Variants in OSTN observed in about 807,000 individuals in gnomAD.
OSTN encodes the protein osteocrin.
OSTN carries 9 observed loss-of-function variants against 12.0 expected under a neutral mutation model. The observed-to-expected ratio is 0.75, with a 90% confidence interval of 0.45 to 1.30. The LOEUF is 1.30. OSTN is among the 50% of genes most tolerant of loss of function. The probability of loss-of-function intolerance (pLI) is 0.00; values close to 1 mark genes in which losing one functional copy is unlikely to be tolerated. For missense variants in OSTN, 148 were observed against 152.3 expected (o/e 0.97, Z 0.15); for synonymous variants, 59 against 56.9 (o/e 1.04, Z -0.16).
chr3:191,258,601 A>T (rs1413165350), intron 4 of OSTN, among the ~76,000 whole-genome samples: 3 of 151,944 alleles, frequency 2.0e-5, no homozygotes, highest in African/African-American at 7.2e-5. Flanking sequence ...GGGCACATGT[A>T]TAGCTATGTA....
Position 191,218,873 on chromosome 3 carries a change from G to C in OSTN, c.229G>C (p.Glu77Gln), listed in dbSNP as rs1429709555. The C allele has an allele frequency of 1.9e-6, 3 of 1,613,992 alleles. No homozygotes were observed. The highest frequency in any genetic ancestry group is 2.5e-6 in the Non-Finnish European group (3 of 1,180,006). ...GGTGTCCCTAGAAAATGATGTGATT[G>C]AGACAAAGAAGAAAAGGAGTTTCTC... ...ELVSLENDVI[E>Q]TKKKRSFSGF... The change falls in exon 3 of 5, where the codon GAG becomes CAG. Residue 77 changes from glutamate to glutamine, a missense_variant. Transcript: ENST00000682035.
At chr3:191,253,044 C>T (rs1214876511) in intron 4 of OSTN, among the ~76,000 whole-genome samples, 2 of 152,150 alleles carry the variant, frequency 1.3e-5, no homozygotes, top group South Asian at 2.1e-4. Context: ...ATCTGGGGTC[C>T]GGGTCTTTGG....
intron 4 of OSTN, among the ~76,000 whole-genome samples, chr3:191,251,049 T>A (rs1349285555): frequency 1.3e-5 from 2 of 152,140 alleles, no homozygotes; most frequent in Non-Finnish European, 2.9e-5. Context: ...ATTAGAATAA[T>A]AATTTCTACC....
intron 2 of OSTN, among the ~76,000 whole-genome samples, chr3:191,214,581 T>C (rs1188499691): frequency 2.0e-5 from 3 of 150,624 alleles, no homozygotes; most frequent in African/African-American, 5.0e-5. Context: ...GGAGGCTCAA[T>C]AGCTTTCAGT....
In OSTN at chr3:191,212,539, G is replaced by A. The variant is rs1714485231; in HGVS notation, c.7G>A (p.Asp3Asn). The stretch of plus-strand genomic sequence containing the variant: ...TGACATATGTAACCCTTAGATGCTG[G>A]ACTGGAGATTGGCAAGTGCACATTT... Reference protein sequence around the residue: MLDWRLASAHFIL... With the variant: MLNWRLASAHFIL... The change falls in exon 2 of 5, where the codon GAC (aspartate) becomes AAC (asparagine). Residue 3 changes from aspartate to asparagine, a missense_variant. Transcript: ENST00000682035. 4.4e-6 allele frequency: 7 copies of A among 1,582,592 alleles called. No individual in the cohort carries two copies. The highest frequency in any genetic ancestry group is 2.7e-5 in the African/African-American group (2 of 74,268).
chr3:191,248,457 A>C (rs73199671), intron 3 of OSTN, among the ~76,000 whole-genome samples: 33,954 of 152,166 alleles, frequency 0.22, 4,451 homozygotes, highest in South Asian at 0.34. Context: ...ATTAGTATAA[A>C]GTAATTATTG....
intron 3 of OSTN, among the ~76,000 whole-genome samples, chr3:191,238,347 G>A (rs1274683110): frequency 6.6e-6 from 1 of 152,088 alleles, no homozygotes; most frequent in African/African-American, 2.4e-5. Flanking sequence ...GGGGAAAAAT[G>A]CAGAAAGGGC....
chr3:191,252,277 G>C (rs914155391), intron 4 of OSTN, among the ~76,000 whole-genome samples: 1 of 152,170 alleles, frequency 6.6e-6, no homozygotes, highest in African/African-American at 2.4e-5. Flanking sequence ...ATGTTGGCCA[G>C]GATGGTCTCG....
At chr3:191,223,383 A>G (rs1297384720) in intron 3 of OSTN, among the ~76,000 whole-genome samples, 1 of 152,236 alleles carries the variant, frequency 6.6e-6, no homozygotes, top group Non-Finnish European at 1.5e-5. Flanking sequence ...TCACCATTAG[A>G]ATTAGGTGTG....
At chr3:191,210,116 G>C (rs1211814663) in intron 1 of OSTN, among the ~76,000 whole-genome samples, 1 of 152,242 alleles carries the variant, frequency 6.6e-6, no homozygotes, top group Non-Finnish European at 1.5e-5. Context: ...AAGCAAAGAG[G>C]AAGCAGGCAC....
chr3:191,237,993 A>G (rs1297973728), intron 3 of OSTN, among the ~76,000 whole-genome samples: 1 of 152,168 alleles, frequency 6.6e-6, no homozygotes, highest in Non-Finnish European at 1.5e-5. Context: ...AATCCCAAAG[A>G]TTAAGGTAAA....
At chr3:191,244,096 C>G (rs1360015452) in intron 3 of OSTN, among the ~76,000 whole-genome samples, 1 of 152,070 alleles carries the variant, frequency 6.6e-6, no homozygotes, top group Non-Finnish European at 1.5e-5. Flanking sequence ...CATTTTTACT[C>G]TCTTTAAATT....
At chr3:191,256,862 A>G (rs1477697461) in intron 4 of OSTN, among the ~76,000 whole-genome samples, 1 of 152,048 alleles carries the variant, frequency 6.6e-6, no homozygotes, top group East Asian at 1.9e-4. Context: ...TAAAACCTCT[A>G]AACTAGACAA....
chr3:191,246,158 G>A (rs928503520), intron 3 of OSTN, among the ~76,000 whole-genome samples: 5 of 151,454 alleles, frequency 3.3e-5, no homozygotes, highest in African/African-American at 9.7e-5. Flanking sequence ...ATCAGTGCAG[G>A]TATCATGTGA....
At chr3:191,251,858 T>C (rs1715568636) in intron 4 of OSTN, among the ~76,000 whole-genome samples, 1 of 152,238 alleles carries the variant, frequency 6.6e-6, no homozygotes, top group African/African-American at 2.4e-5. Flanking sequence ...AGCTAATTGC[T>C]GTTTAAAAAC....
intron 4 of OSTN, among the ~76,000 whole-genome samples, chr3:191,261,169 AG>A (rs1715801190): frequency 6.6e-6 from 1 of 152,184 alleles, no homozygotes; most frequent in Admixed American, 6.5e-5. Context: ...GAAGGTGCCA[AG>A]GGCTAACTTT....
At chr3:191,212,161 C>G (rs7634406) in intron 1 of OSTN, among the ~76,000 whole-genome samples, 2,286 of 152,292 alleles carry the variant, frequency 0.015, 41 homozygotes, top group African/African-American at 0.046. Context: ...GACTTACGCT[C>G]TAATGCCTTA....
rs1715060160 is a variant in OSTN, at chr3:191,231,715, T to G, written c.317+12754T>G. On this transcript the variant is annotated intron_variant, in intron 3 of 4. Transcript: ENST00000682035. ...CCTTATCAGGCACACATTCTCTATC[T>G]TCCCATACTTACTAAGAGAAGGTAA... Among the ~76,000 whole-genome samples, 3 of 152,188 alleles carry G rather than the reference T, an allele frequency of 2.0e-5. 1 individual carries two copies. Among genetic ancestry groups the G allele is most frequent in the Admixed American group, 2.0e-4 (3 of 15,274 alleles).
chr3:191,234,300 A>G (rs1177297393), intron 3 of OSTN, among the ~76,000 whole-genome samples: 3 of 152,190 alleles, frequency 2.0e-5, no homozygotes, highest in Non-Finnish European at 2.9e-5. Flanking sequence ...GGGTACAGGT[A>G]GATTATAATG....
Sources: allele counts gnomAD v4.1 joint callset (sites outside exome capture counted in the v4.1 genomes callset), GRCh38; gene constraint gnomAD v4.1.1; transcripts MANE v1.5; gene names NCBI Gene and HGNC (gene_info 2026-07-23, HGNC 2026-07-21).